KIAA0825: variants seen among roughly 807,000 people sequenced by gnomAD.
KIAA0825 encodes the protein uncharacterized protein KIAA0825.
KIAA0825 carries 119 observed loss-of-function variants against 147.6 expected under a neutral mutation model. The observed-to-expected ratio is 0.81, with a 90% CI of 0.69 to 0.94. The LOEUF is 0.94. Among genes scored for constraint, KIAA0825 ranks in the 40% least tolerant of loss-of-function variants. The probability of loss-of-function intolerance (pLI) is 0.00; values close to 1 mark genes in which losing one functional copy is unlikely to be tolerated. For synonymous variants in KIAA0825, 470 were observed against 518.1 expected (o/e 0.91, Z 1.26); for missense variants, 1,381 against 1,472.7 (o/e 0.94, Z 1.02).
intron 1 of KIAA0825, among the ~76,000 whole-genome samples, chr5:94,599,822 G>A (rs1267953457): frequency 1.3e-5 from 2 of 152,074 alleles, no homozygotes; most frequent in African/African-American, 4.8e-5. Context: ...AAGACTGCAG[G>A]AGGCAATGGA....
intron 5 of KIAA0825, among the ~76,000 whole-genome samples, chr5:94,496,070 G>C (rs1240568074): frequency 6.6e-6 from 1 of 152,182 alleles, no homozygotes; most frequent in Non-Finnish European, 1.5e-5. Context: ...GGGATAAAAA[G>C]GGAAAGGTGG....
At chr5:94,494,163 A>G (rs1764066516) in intron 5 of KIAA0825, among the ~76,000 whole-genome samples, 1 of 152,116 alleles carries the variant, frequency 6.6e-6, no homozygotes, top group African/African-American at 2.4e-5. Flanking sequence ...ACTGGATGTT[A>G]CCTAAACTTA....
At chr5:94,573,074 T>G (rs1780268758) in intron 2 of KIAA0825, among the ~76,000 whole-genome samples, 1 of 124,522 alleles carries the variant, frequency 8.0e-6, no homozygotes, top group South Asian at 2.4e-4. Context: ...AATGCATCTA[T>G]GAAATACATT....
At chr5:94,237,445 T>C (rs539686878) in intron 20 of KIAA0825, among the ~76,000 whole-genome samples, 37 of 152,222 alleles carry the variant, frequency 2.4e-4, no homozygotes, top group South Asian at 8.3e-4. Context: ...GCAAGCTCAG[T>C]GTGTTTGAGG....
intron 20 of KIAA0825, among the ~76,000 whole-genome samples, chr5:94,323,419 C>T (rs1177331134): frequency 1.3e-5 from 2 of 151,720 alleles, no homozygotes; most frequent in African/African-American, 4.8e-5. Flanking sequence ...GAACTGGTTA[C>T]GTGTTATGTC....
chr5:94,166,292 C>T (rs558061337), intron 20 of KIAA0825, among the ~76,000 whole-genome samples: 36 of 152,262 alleles, frequency 2.4e-4, no homozygotes, highest in African/African-American at 8.7e-4. Context: ...AATAATTATT[C>T]TAAATCCATA....
chr5:94,433,065 G>A (rs572064774), intron 14 of KIAA0825, among the ~76,000 whole-genome samples: 25 of 151,928 alleles, frequency 1.6e-4, no homozygotes, highest in Admixed American at 3.3e-4. Context: ...ATGGAGTCTC[G>A]CTCCATAGCC....
At chr5:94,327,463 T>A (rs1490015287) in intron 20 of KIAA0825, among the ~76,000 whole-genome samples, 1 of 152,170 alleles carries the variant, frequency 6.6e-6, no homozygotes, top group Non-Finnish European at 1.5e-5. Flanking sequence ...TACAGGTATA[T>A]TTGTTATCCA....
At chr5:94,608,491 A>AAAATATATATATATAATATATATTAT (rs1561390235) in intron 1 of KIAA0825, among the ~76,000 whole-genome samples, 8 of 12,156 alleles carry the variant, frequency 6.6e-4, no homozygotes, top group African/African-American at 2.6e-3. Flanking sequence ...ATATATATAT[A>AAAATATATATATATAATATATATTAT]ATTATATATA....
intron 20 of KIAA0825, among the ~76,000 whole-genome samples, chr5:94,329,182 GT>G (rs1430703985): frequency 2.2e-4 from 34 of 151,602 alleles, no homozygotes; most frequent in Admixed American, 2.2e-3. Flanking sequence ...GACATAGAAG[GT>G]TTTTTTTAAT....
intron 6 of KIAA0825, among the ~76,000 whole-genome samples, chr5:94,481,984 C>G (rs1326531889): frequency 4.6e-5 from 7 of 151,936 alleles, no homozygotes; most frequent in Non-Finnish European, 5.9e-5. Context: ...ATTAGAAATG[C>G]CCCATAAATC....
intron 14 of KIAA0825, among the ~76,000 whole-genome samples, chr5:94,417,643 G>A (rs911269420): frequency 3.9e-5 from 6 of 152,096 alleles, no homozygotes; most frequent in African/African-American, 9.7e-5. Flanking sequence ...AAAGGTCAAC[G>A]CTAGTTTCCC....
At chr5:94,442,201 C>G (rs1757168718) in intron 13 of KIAA0825, among the ~76,000 whole-genome samples, 1 of 152,164 alleles carries the variant, frequency 6.6e-6, no homozygotes, top group South Asian at 2.1e-4. Flanking sequence ...GAAAAAGTCT[C>G]GAAGCACCTC....
At chr5:94,156,519 A>G (rs957087064) in intron 20 of KIAA0825, among the ~76,000 whole-genome samples, 6 of 152,186 alleles carry the variant, frequency 3.9e-5, no homozygotes, top group African/African-American at 1.4e-4. Context: ...TATTTTGATC[A>G]TTGTGTCTAC....
chr5:94,525,583 A>T (rs1189881551), intron 3 of KIAA0825, among the ~76,000 whole-genome samples: 2 of 151,924 alleles, frequency 1.3e-5, no homozygotes, highest in Non-Finnish European at 2.9e-5. Flanking sequence ...TTATGTAAGC[A>T]CTTCTATGGA....
At chr5:94,205,787 A>G (rs1008126200) in intron 20 of KIAA0825, among the ~76,000 whole-genome samples, 1 of 152,012 alleles carries the variant, frequency 6.6e-6, no homozygotes, top group Non-Finnish European at 1.5e-5. Flanking sequence ...AAAGTGTAAG[A>G]CGCACCTGAT....
chr5:94,576,520 G>GT (rs1281971499), intron 2 of KIAA0825, among the ~76,000 whole-genome samples: 1 of 152,138 alleles, frequency 6.6e-6, no homozygotes, highest in Non-Finnish European at 1.5e-5. Flanking sequence ...GTGATACCCT[G>GT]TATCACCTCT....
At chr5:94,425,387 T>C (rs562743815) in intron 14 of KIAA0825, among the ~76,000 whole-genome samples, 1 of 152,248 alleles carries the variant, frequency 6.6e-6, no homozygotes, top group African/African-American at 2.4e-5. Flanking sequence ...GAAAAACATA[T>C]GATTACCTCA....
intron 14 of KIAA0825, among the ~76,000 whole-genome samples, chr5:94,433,248 C>T (rs1486829605): frequency 6.6e-6 from 1 of 152,064 alleles, no homozygotes; most frequent in African/African-American, 2.4e-5. Flanking sequence ...AGGATGGTCT[C>T]GATCTCCTGA....
Sources: gnomAD v4.1 joint callset for allele counts (sites outside exome capture counted in the v4.1 genomes callset) on GRCh38, gnomAD v4.1.1 for gene constraint, MANE v1.5 for transcripts, NCBI Gene and HGNC (gene_info 2026-07-23, HGNC 2026-07-21) for gene names.